Variants in TAF1A observed in about 807,000 individuals in gnomAD.
TAF1A encodes the protein TATA-box binding protein associated factor, RNA polymerase I subunit A, also known as TATA box-binding protein-associated factor RNA polymerase I subunit A.
In TAF1A, 42 loss-of-function variants were observed where a neutral mutation model predicts 61.6. That is an observed-to-expected ratio of 0.68 (90% confidence interval 0.53 to 0.88). TAF1A has a LOEUF of 0.88. Among genes scored for constraint, TAF1A ranks in the 40% least tolerant of loss-of-function variants. TAF1A has a pLI of 0.00. For missense variants in TAF1A, 424 were observed against 518.7 expected (o/e 0.82, Z 1.77); for synonymous variants, 179 against 177.7 (o/e 1.01, Z -0.06).
In TAF1A at chr1:222,561,482, G is replaced by A. The variant is rs772838563; in HGVS notation, c.1122C>T (p.Ser374=). 3 of 1,611,658 alleles carry A rather than the reference G, an allele frequency of 1.9e-6. No homozygotes were observed. Among genetic ancestry groups the A allele is most frequent in the Non-Finnish European group, 8.5e-7 (1 of 1,178,852 alleles). The change falls in exon 10 of 11, where the codon TCC becomes TCT. Residue 374 remains serine, a synonymous_variant. Transcript: ENST00000352967. Reference sequence around the variant, plus strand: ...GAAAGCCTGGCCACCAGTTTTTCCTGGAGTTCCACTCTTCTTGAACCCACG... The same window carrying A: ...GAAAGCCTGGCCACCAGTTTTTCCTAGAGTTCCACTCTTCTTGAACCCACG... ...HLAWVQEEWN[S]RKNWWPGFHF...
intron 10 of TAF1A, 56 bp downstream of exon 10, chr1:222,561,308 A>C: frequency 1.3e-6 from 2 of 1,544,588 alleles, no homozygotes; most frequent in Admixed American, 2.1e-5. Flanking sequence ...GCCATACTTC[A>C]TAATTTCAAA....
chr1:222,570,741 A>C, intron 5 of TAF1A, 76 bp from the exon 6 acceptor site: 1 of 1,409,198 alleles, frequency 7.1e-7, no homozygotes, highest in South Asian at 1.6e-5. Context: ...TTAAAAAACT[A>C]TCTGCGAGAA....
chr1:222,565,958 C>T (rs2378583), intron 7 of TAF1A, among the ~76,000 whole-genome samples: 16,441 of 152,194 alleles, frequency 0.11, 1,026 homozygotes, highest in East Asian at 0.14. Context: ...TTTGATAATG[C>T]CAATTTTGAT....
rs555855979 is a variant in TAF1A at position 222,571,789 on chromosome 1, C to T, written c.605-1124G>A. On this transcript the variant is annotated intron_variant, in intron 5 of 10. Coordinates refer to ENST00000352967, the MANE Select transcript of TAF1A (RefSeq NM_005681.4). ...GACTTACTATTGTCAAATTGATCTA[C>T]AGATACATGTAATTCCTATCAAAAA... Among the ~76,000 whole-genome samples, 75 of 152,272 alleles carry T rather than the reference C, an allele frequency of 4.9e-4. No homozygotes were observed. In the South Asian group the frequency reaches 0.013, roughly 26 times the overall value.
At chr1:222,569,762 T>A in intron 6 of TAF1A, 94 bp from the exon 7 acceptor site, 1 of 1,184,890 alleles carries the variant, frequency 8.4e-7, no homozygotes, top group Non-Finnish European at 1.2e-6. Context: ...GGGTATTTTT[T>A]AAAAATCACA....
At chr1:222,589,295 C>G (rs530093564) in intron 1 of TAF1A, among the ~76,000 whole-genome samples, 1 of 152,148 alleles carries the variant, frequency 6.6e-6, no homozygotes, top group Admixed American at 6.5e-5. Context: ...CCCCTATTTC[C>G]CCTCTTCAAT....
intron 4 of TAF1A, among the ~76,000 whole-genome samples, chr1:222,579,121 C>T (rs986802967): frequency 4.6e-5 from 7 of 152,148 alleles, no homozygotes; most frequent in African/African-American, 1.7e-4. Context: ...GTAAACTGCC[C>T]CCATTTAATT....
At position 222,580,146 on chromosome 1, in the gene TAF1A, T is replaced by C. The variant is rs144199286; in HGVS notation, c.292-274A>G. 8.7e-4 allele frequency among the ~76,000 whole-genome samples: 133 copies of C among 152,330 alleles called. 1 individual carries two copies. The highest frequency in any genetic ancestry group is 2.7e-3 in the African/African-American group (113 of 41,590). On this transcript the variant is annotated intron_variant, in intron 3 of 10. Coordinates refer to ENST00000352967, the MANE Select transcript of TAF1A (RefSeq NM_005681.4). ...GTTTAAAGAAAGTAGACAGTTAAGA[T>C]ACATATTTAATATAAAATGTTTAAT... is the stretch of plus-strand genomic sequence containing the variant.
At chr1:222,560,555 C>G (rs1030286551) in intron 10 of TAF1A, among the ~76,000 whole-genome samples, 2 of 152,168 alleles carry the variant, frequency 1.3e-5, no homozygotes, top group Non-Finnish European at 2.9e-5. Context: ...AGAAAAATGA[C>G]AATCCAAATC....
chr1:222,557,925 C>T (rs1659768132), downstream of TAF1A: 1 of 150,388 alleles, frequency 6.6e-6, no homozygotes, highest in South Asian at 2.1e-4. Context: ...GTTCTGTCGC[C>T]CAGGCAGGAG....
chr1:222,563,756 C>G (rs1310687953), intron 8 of TAF1A, among the ~76,000 whole-genome samples: 1 of 152,184 alleles, frequency 6.6e-6, no homozygotes, highest in African/African-American at 2.4e-5. Context: ...TAAAATCGAG[C>G]CATTTCTCTT....
At chr1:222,587,724 T>C (rs1329885940) in intron 2 of TAF1A, among the ~76,000 whole-genome samples, 1 of 152,168 alleles carries the variant, frequency 6.6e-6, no homozygotes, top group Non-Finnish European at 1.5e-5. Flanking sequence ...AAAATCATGC[T>C]TGCATTTACA....
chr1:222,580,052 A>T (rs1660727274), intron 3 of TAF1A, among the ~76,000 whole-genome samples, 180 bp from the exon 4 acceptor site: 1 of 152,254 alleles, frequency 6.6e-6, no homozygotes, highest in African/African-American at 2.4e-5. Flanking sequence ...TATGTGATAG[A>T]ATAGTTTTAA....
At position 222,589,806 on chromosome 1, in the gene TAF1A, A is replaced by T. The variant is rs917874166; in HGVS notation, c.-82T>A. On this transcript the variant is annotated 5_prime_UTR_variant, in exon 1 of 11. Coordinates refer to ENST00000352967, the MANE Select transcript of TAF1A (RefSeq NM_005681.4). Reference sequence around the variant, plus strand: ...CACGTGAAGAAATTCCCACCGGAAGACGAGTTAGGAGAGCTTTATATGAGC... The same window carrying T: ...CACGTGAAGAAATTCCCACCGGAAGTCGAGTTAGGAGAGCTTTATATGAGC... The T allele has an allele frequency of 2.8e-6, 1 of 358,138 alleles. No homozygotes were observed. Among genetic ancestry groups the T allele is most frequent in the African/African-American group, 2.1e-5 (1 of 47,856 alleles). 22.2% of individuals were successfully genotyped at this position (358,138 alleles called of 1,614,324 possible).
chr1:222,583,776 T>C (rs1368862824), intron 3 of TAF1A, among the ~76,000 whole-genome samples: 4 of 151,108 alleles, frequency 2.6e-5, no homozygotes, highest in Admixed American at 2.0e-4. Context: ...AGGTAAGAGA[T>C]TGCAGTGAGC....
chr1:222,569,775 A>C, intron 6 of TAF1A, 107 bp from the exon 7 acceptor site: 1 of 1,029,928 alleles, frequency 9.7e-7, no homozygotes, highest in Non-Finnish European at 1.4e-6. Context: ...AAATCACAAA[A>C]CTGACAGGGT....
intron 10 of TAF1A, among the ~76,000 whole-genome samples, chr1:222,560,208 C>T (rs191105402): frequency 4.2e-4 from 64 of 152,220 alleles, no homozygotes; most frequent in African/African-American, 1.5e-3. Context: ...GGTTGGTAAC[C>T]AGAGCAAGAA....
At chr1:222,581,586 T>C (rs1395926844) in intron 3 of TAF1A, among the ~76,000 whole-genome samples, 1 of 152,118 alleles carries the variant, frequency 6.6e-6, no homozygotes, top group Admixed American at 6.5e-5. Context: ...TTGTCAACTG[T>C]TAGAGGAAAA....
intron 3 of TAF1A, among the ~76,000 whole-genome samples, chr1:222,580,736 C>A (rs1172827665): frequency 3.4e-5 from 5 of 149,222 alleles, no homozygotes. Flanking sequence ...CACCTACCAC[C>A]AGGGATGGGT....
Sources: gnomAD v4.1 joint callset for allele counts (sites outside exome capture counted in the v4.1 genomes callset) on GRCh38, gnomAD v4.1.1 for gene constraint, MANE v1.5 for transcripts, NCBI Gene and HGNC (gene_info 2026-07-23, HGNC 2026-07-21) for gene names.